CCDC102B: variants seen among roughly 807,000 people sequenced by gnomAD.
CCDC102B encodes the protein coiled-coil domain-containing protein 102B.
CCDC102B carries 75 observed loss-of-function variants against 57.4 expected under a neutral mutation model. The observed-to-expected ratio is 1.31, with a 90% CI of 1.08 to 1.58. The LOEUF (loss-of-function observed/expected upper bound fraction) is 1.58. CCDC102B is among the 40% of genes most tolerant of loss of function. CCDC102B has a pLI of 0.00. For synonymous variants in CCDC102B, 206 were observed against 201.9 expected (o/e 1.02, Z -0.17); for missense variants, 636 against 582.6 (o/e 1.09, Z -0.94).
chr18:68,796,274 A>T (rs1451769439), upstream of CCDC102B, among the ~76,000 whole-genome samples: 1 of 152,142 alleles, frequency 6.6e-6, no homozygotes, highest in African/African-American at 2.4e-5. Context: ...AAAAGGAACT[A>T]GTGCTGGATT....
At chr18:68,723,702 C>T (rs1473427006) in intron 2 of CCDC102B, among the ~76,000 whole-genome samples, 1 of 152,234 alleles carries the variant, frequency 6.6e-6, no homozygotes, top group Non-Finnish European at 1.5e-5. Context: ...CAGCTCCACT[C>T]CTGTGGCTTT....
chr18:68,801,634 G>A (rs1189033754), intron 1 of CCDC102B, among the ~76,000 whole-genome samples: 2 of 152,026 alleles, frequency 1.3e-5, no homozygotes, highest in African/African-American at 4.8e-5. Flanking sequence ...TTTCAAATTT[G>A]TAGAATTAAA....
In CCDC102B at chr18:68,872,108, C is replaced by T. The variant is rs190527157; in HGVS notation, c.937-2561C>T. Among the ~76,000 whole-genome samples, 335 of 152,172 alleles carry T rather than the reference C, an allele frequency of 2.2e-3. 1 individual carries two copies. Among genetic ancestry groups the T allele is most frequent in the Non-Finnish European group, 4.1e-3 (278 of 67,992 alleles). ...ATAATTTTGGGAAGGATGGTATTGC[C>T]ATTTACTGAGGTGACAAAGACTGAC... On this transcript the variant is annotated intron_variant, in intron 4 of 7. Transcript: ENST00000360242.
At chr18:68,832,047 A>G (rs2037163604) in intron 1 of CCDC102B, among the ~76,000 whole-genome samples, 1 of 151,668 alleles carries the variant, frequency 6.6e-6, no homozygotes, top group African/African-American at 2.4e-5. Context: ...GTATTAATCT[A>G]TTTTCTCACT....
chr18:68,958,449 A>G (rs2049963445), intron 6 of CCDC102B, among the ~76,000 whole-genome samples: 2 of 152,114 alleles, frequency 1.3e-5, no homozygotes, highest in Non-Finnish European at 2.9e-5. Context: ...AATAAATCCC[A>G]CTTGGTCATA....
chr18:69,047,421 C>G (rs1412795859), intron 7 of CCDC102B, among the ~76,000 whole-genome samples: 1 of 152,016 alleles, frequency 6.6e-6, no homozygotes, highest in Admixed American at 6.6e-5. Flanking sequence ...AAGACAAACC[C>G]ACAACCAACA....
chr18:69,042,468 C>T (rs935210059), intron 7 of CCDC102B, among the ~76,000 whole-genome samples: 7 of 152,216 alleles, frequency 4.6e-5, no homozygotes, highest in Admixed American at 3.3e-4. Flanking sequence ...AAGCTACCAC[C>T]ATGTCTCACT....
chr18:68,781,069 G>T (rs1403591425), intron 2 of CCDC102B, among the ~76,000 whole-genome samples: 1 of 151,950 alleles, frequency 6.6e-6, no homozygotes, highest in East Asian at 1.9e-4. Flanking sequence ...TAACTTATCT[G>T]TTTTTGTATG....
At chr18:68,755,902 G>T (rs2034031312) in intron 2 of CCDC102B, among the ~76,000 whole-genome samples, 1 of 151,456 alleles carries the variant, frequency 6.6e-6, no homozygotes, top group South Asian at 2.1e-4. Flanking sequence ...AAATACACAT[G>T]CTTGAAACAT....
At chr18:68,769,478 C>T (rs1200507629) in intron 2 of CCDC102B, among the ~76,000 whole-genome samples, 1 of 152,060 alleles carries the variant, frequency 6.6e-6, no homozygotes, top group Non-Finnish European at 1.5e-5. Context: ...GTCCATAGCA[C>T]ACCTCATCTT....
At chr18:69,042,248 A>G (rs982484221) in intron 7 of CCDC102B, among the ~76,000 whole-genome samples, 59 of 152,144 alleles carry the variant, frequency 3.9e-4, no homozygotes, top group African/African-American at 1.3e-3. Context: ...GATTTACAAT[A>G]TAGGAATGAA....
intron 2 of CCDC102B, chr18:68,838,391 C>T (rs2144791455): frequency 1.0e-6 from 1 of 983,648 alleles, no homozygotes. Context: ...TTCATCAACT[C>T]ATTAAAAATT....
chr18:68,871,901 T>C (rs934198128), intron 4 of CCDC102B, among the ~76,000 whole-genome samples: 1 of 152,164 alleles, frequency 6.6e-6, no homozygotes, highest in African/African-American at 2.4e-5. Context: ...TGAGGCTGCA[T>C]GTAGAAGCAG....
intron 6 of CCDC102B, among the ~76,000 whole-genome samples, chr18:68,940,666 AAG>A (rs1169395417): frequency 1.3e-5 from 2 of 151,610 alleles, no homozygotes; most frequent in Non-Finnish European, 2.9e-5. Context: ...ATATATGAAA[AAG>A]AGCTTTGCAG....
At chr18:69,015,042 C>T (rs2051628249) in intron 7 of CCDC102B, among the ~76,000 whole-genome samples, 2 of 150,176 alleles carry the variant, frequency 1.3e-5, no homozygotes, top group African/African-American at 2.4e-5. Context: ...AAAAAATTTG[C>T]TGTTCTTTGC....
chr18:68,962,569 T>C, intron 6 of CCDC102B, among the ~76,000 whole-genome samples: 1 of 152,000 alleles, frequency 6.6e-6, no homozygotes. Flanking sequence ...TGTTCAAAGA[T>C]TATATATTAA....
At position 68,997,708 on chromosome 18, in the gene CCDC102B, C is replaced by T. The variant is rs184842410; in HGVS notation, c.1264-13226C>T. Among the ~76,000 whole-genome samples, 150 of 151,370 alleles carry T rather than the reference C, an allele frequency of 9.9e-4. 1 individual carries two copies. Among genetic ancestry groups the T allele is most frequent in the African/African-American group, 3.4e-3 (141 of 41,322 alleles). ...CTCAATAATATCTATTTCATTCATC[C>T]GTGTCTTTTTAATTTCTAGAACTTT... On this transcript the variant is annotated intron_variant, in intron 6 of 7. Transcript: ENST00000360242.
chr18:68,972,648 T>C (rs957201194), intron 6 of CCDC102B, among the ~76,000 whole-genome samples: 5 of 152,184 alleles, frequency 3.3e-5, no homozygotes, highest in African/African-American at 1.2e-4. Context: ...ATTTTAGTTT[T>C]AGGAATCTGC....
chr18:68,916,254 G>A (rs2041069932), intron 6 of CCDC102B, among the ~76,000 whole-genome samples: 1 of 152,092 alleles, frequency 6.6e-6, no homozygotes, highest in African/African-American at 2.4e-5. Context: ...TCTTCACTGG[G>A]CATGCTGACC....
Sources: gnomAD v4.1 joint callset for allele counts (sites outside exome capture counted in the v4.1 genomes callset) on GRCh38, gnomAD v4.1.1 for gene constraint, MANE v1.5 for transcripts, NCBI Gene and HGNC (gene_info 2026-07-23, HGNC 2026-07-21) for gene names.